RBFOX3: variants seen among roughly 807,000 people sequenced by gnomAD.
RBFOX3 encodes RNA binding fox-1 homolog 3.
RBFOX3 carries 17 observed loss-of-function variants against 48.7 expected under a neutral mutation model. The ratio of observed to expected loss-of-function variants is 0.35; its 90% CI spans 0.24 to 0.52. The LOEUF (loss-of-function observed/expected upper bound fraction) is 0.52. RBFOX3 is among the 20% of genes least tolerant of loss of function. RBFOX3 has a pLI of 0.94. For missense variants in RBFOX3, 382 were observed against 497.5 expected, an observed-to-expected ratio of 0.77 and a Z score of 2.21; for synonymous variants, 212 against 209.5, an observed-to-expected ratio of 1.01 and a Z score of -0.10.
chr17:79,521,415 C>G (rs1157588913), intron 1 of RBFOX3, among the ~76,000 whole-genome samples: 1 of 152,056 alleles, frequency 6.6e-6, no homozygotes, highest in South Asian at 2.1e-4. Flanking sequence ...CACATACCCT[C>G]ACAGACTCAC....
chr17:79,448,736 G>A (rs955849000), intron 2 of RBFOX3, among the ~76,000 whole-genome samples: 3 of 152,160 alleles, frequency 2.0e-5, no homozygotes, highest in African/African-American at 7.2e-5. Context: ...AAGGACTGGG[G>A]CTAAGGGGCT....
chr17:79,159,402 T>C (rs944871965), intron 4 of RBFOX3, among the ~76,000 whole-genome samples: 1 of 152,110 alleles, frequency 6.6e-6, no homozygotes, highest in Admixed American at 6.5e-5. Context: ...CTGAGACCAA[T>C]GCCCCCGGCT....
intron 2 of RBFOX3, among the ~76,000 whole-genome samples, chr17:79,379,700 C>CG (rs2059648495): frequency 6.6e-6 from 1 of 152,178 alleles, no homozygotes; most frequent in African/African-American, 2.4e-5. Flanking sequence ...GCTCAGCCCC[C>CG]GCAAATCCCG....
intron 2 of RBFOX3, among the ~76,000 whole-genome samples, chr17:79,463,498 T>TCC (rs2075802794): frequency 3.2e-5 from 1 of 30,984 alleles, no homozygotes; most frequent in Non-Finnish European, 7.7e-5. Context: ...CCACTGCCAC[T>TCC]GCCATCGCCA....
intron 2 of RBFOX3, among the ~76,000 whole-genome samples, chr17:79,366,851 C>T (rs2057832204): frequency 6.6e-6 from 1 of 152,232 alleles, no homozygotes; most frequent in Admixed American, 6.5e-5. Context: ...CTCACCCCAG[C>T]TGCTGGGACC....
chr17:79,201,215 C>A (rs1254412229), intron 4 of RBFOX3, among the ~76,000 whole-genome samples: 1 of 152,220 alleles, frequency 6.6e-6, no homozygotes, highest in East Asian at 1.9e-4. Context: ...CGTCCGCCCA[C>A]TGGGCTGCTC....
intron 12 of RBFOX3, 29 bp from the exon 13 acceptor site, chr17:79,095,603 A>G (rs546746925): frequency 1.9e-6 from 3 of 1,543,736 alleles, no homozygotes; most frequent in African/African-American, 2.7e-5. Flanking sequence ...GAGAGAGAGC[A>G]GAGGGACTTA....
intron 1 of RBFOX3, among the ~76,000 whole-genome samples, chr17:79,585,991 C>A (rs1333392160): frequency 2.0e-5 from 3 of 152,230 alleles, no homozygotes; most frequent in Admixed American, 6.5e-5. Context: ...CAGGCTGGGG[C>A]CCTCAGACTG....
At chr17:79,449,519 C>T (rs1291669139) in intron 2 of RBFOX3, among the ~76,000 whole-genome samples, 1 of 152,158 alleles carries the variant, frequency 6.6e-6, no homozygotes, top group African/African-American at 2.4e-5. Context: ...AACTTCTACT[C>T]TGAAATATTC....
At position 79,356,123 on chromosome 17, in the gene RBFOX3, T is replaced by C. The variant is rs371936350; in HGVS notation, c.-174-48299A>G. On this transcript the variant is annotated intron_variant, in intron 2 of 14. Transcript: ENST00000693108. The stretch of plus-strand genomic sequence containing the variant: ...ACTGAAGTCTAAGCTCAAGTGTTCT[T>C]GGCTCTTGACTTTTGGCAAGAACTT... Among the ~76,000 whole-genome samples, 7 of 152,182 alleles carry C rather than the reference T, an allele frequency of 4.6e-5. No individual in the cohort carries two copies. The East Asian group carries it at 1.2e-3, about 25-fold the overall frequency.
the RBFOX3 span, among the ~76,000 whole-genome samples, chr17:79,631,923 C>G: frequency 6.6e-6 from 1 of 152,206 alleles, no homozygotes; most frequent in Non-Finnish European, 1.5e-5. Flanking sequence ...CCTCAAGGTT[C>G]TCCCTGCCCC....
chr17:79,613,431 C>T (rs1166384034), upstream of RBFOX3, among the ~76,000 whole-genome samples: 1 of 152,248 alleles, frequency 6.6e-6, no homozygotes, highest in Non-Finnish European at 1.5e-5. Context: ...GTGTCAGGGC[C>T]AGCAGGACAT....
chr17:79,296,001 C>G (rs1237006683), intron 3 of RBFOX3, among the ~76,000 whole-genome samples: 1 of 152,172 alleles, frequency 6.6e-6, no homozygotes, highest in East Asian at 1.9e-4. Flanking sequence ...CTTCATTCTT[C>G]CATTTCCCAA....
At chr17:79,140,524 C>T (rs569075470) in intron 4 of RBFOX3, among the ~76,000 whole-genome samples, 9 of 152,242 alleles carry the variant, frequency 5.9e-5, no homozygotes, top group East Asian at 3.8e-4. Context: ...GTAAAGCTCA[C>T]GATGGCCCAG....
chr17:79,189,476 G>A lies in RBFOX3; in HGVS notation c.-34+46290C>T, dbSNP rs375520727. On this transcript the variant is annotated intron_variant, in intron 4 of 14. Transcript: ENST00000693108. ...ACAGGATCAACCCCAAACCAAATCC[G>A]TTAATGTAATAGTCATTTGCAATAG... 1.6e-4 allele frequency among the ~76,000 whole-genome samples: 24 copies of A among 152,316 alleles called. 1 individual carries two copies. In the East Asian group the frequency reaches 4.2e-3, roughly 27 times the overall value.
intron 3 of RBFOX3, among the ~76,000 whole-genome samples, chr17:79,266,038 T>C (rs12603748): frequency 0.16 from 24,157 of 152,272 alleles, 2,181 homozygotes; most frequent in African/African-American, 0.23. Context: ...CCCAGAGGGC[T>C]GCTCACCCGG....
chr17:79,538,143 C>T (rs1170729015), intron 1 of RBFOX3, among the ~76,000 whole-genome samples: 3 of 152,212 alleles, frequency 2.0e-5, no homozygotes, highest in African/African-American at 7.2e-5. Flanking sequence ...CACAAACCCC[C>T]AAAACTTAAA....
At chr17:79,296,768 CCT>C (rs923926299) in intron 3 of RBFOX3, among the ~76,000 whole-genome samples, 21 of 149,138 alleles carry the variant, frequency 1.4e-4, no homozygotes, top group African/African-American at 5.0e-4. Context: ...TTTTACTACT[CCT>C]CTCTGTCTTT....
At chr17:79,309,063 C>T (rs900244204) in intron 2 of RBFOX3, among the ~76,000 whole-genome samples, 9 of 150,814 alleles carry the variant, frequency 6.0e-5, no homozygotes, top group Non-Finnish European at 1.3e-4. Flanking sequence ...GCTGAGATCA[C>T]ACCACCGCAC....
Sources: allele counts gnomAD v4.1 joint callset (sites outside exome capture counted in the v4.1 genomes callset), GRCh38; gene constraint gnomAD v4.1.1; transcripts MANE v1.5; gene names NCBI Gene and HGNC (gene_info 2026-07-23, HGNC 2026-07-21).